RAB28: variants seen among roughly 807,000 people sequenced by gnomAD.
RAB28 encodes RAB28, member RAS oncogene family, also known as ras-related protein Rab-28.
In RAB28, 24 loss-of-function variants were observed where a neutral mutation model predicts 31.7. That is an observed-to-expected ratio of 0.76 (90% CI 0.55 to 1.06). RAB28 has a LOEUF of 1.06. Among genes scored for constraint, RAB28 ranks in the 50% least tolerant of loss-of-function variants. The pLI is 0.00. For synonymous variants in RAB28, 100 were observed against 90.4 expected (o/e 1.11, Z -0.60); for missense variants, 254 against 258.5 (o/e 0.98, Z 0.12).
chr4:13,371,992 A>G, intron 6 of RAB28: 1 of 885,790 alleles, frequency 1.1e-6, no homozygotes, highest in Non-Finnish European at 1.8e-6. Context: ...AAAGCAACCT[A>G]TGGGTTGGGG....
At chr4:13,461,862 T>C (rs1161872581) in intron 3 of RAB28, among the ~76,000 whole-genome samples, 2 of 152,204 alleles carry the variant, frequency 1.3e-5, no homozygotes, top group Admixed American at 6.5e-5. Context: ...ACCTATTGTA[T>C]ACCAGACACA....
chr4:13,395,384 A>G (rs1729830728), intron 4 of RAB28, among the ~76,000 whole-genome samples: 1 of 152,116 alleles, frequency 6.6e-6, no homozygotes, highest in African/African-American at 2.4e-5. Context: ...GTGAAATTAC[A>G]TAAAGTTTAA....
intron 6 of RAB28, chr4:13,371,364 A>G: frequency 1.0e-6 from 1 of 985,372 alleles, no homozygotes; most frequent in Non-Finnish European, 1.2e-6. Context: ...TTTCATGCCA[A>G]ACTATGGGTT....
intron 6 of RAB28, among the ~76,000 whole-genome samples, chr4:13,373,085 T>G (rs1422027994): frequency 4.6e-5 from 7 of 152,118 alleles, no homozygotes; most frequent in African/African-American, 1.4e-4. Flanking sequence ...GTATTAAGAA[T>G]TCTTAACACC....
intron 4 of RAB28, among the ~76,000 whole-genome samples, chr4:13,394,299 T>TA (rs1249696903): frequency 6.6e-6 from 1 of 152,106 alleles, no homozygotes; most frequent in Non-Finnish European, 1.5e-5. Flanking sequence ...AATTTTGGGG[T>TA]AAAACTGCTT....
chr4:13,390,603 T>C (rs571208161), intron 4 of RAB28, among the ~76,000 whole-genome samples: 124 of 141,268 alleles, frequency 8.8e-4, no homozygotes, highest in Non-Finnish European at 1.3e-3. Context: ...AAAAAAAGCC[T>C]GCATGCAAAA....
chr4:13,414,665 T>C (rs918829145), intron 4 of RAB28, among the ~76,000 whole-genome samples: 1 of 152,186 alleles, frequency 6.6e-6, no homozygotes, highest in Non-Finnish European at 1.5e-5. Flanking sequence ...TTCAGACCAA[T>C]CTCATTTAAA....
At chr4:13,423,430 G>A (rs75153302) in intron 4 of RAB28, among the ~76,000 whole-genome samples, 5 of 151,362 alleles carry the variant, frequency 3.3e-5, no homozygotes, top group African/African-American at 4.9e-5. Context: ...CCAGCTACTC[G>A]GGAGGCTGCA....
chr4:13,416,422 C>T (rs776417314), intron 4 of RAB28, among the ~76,000 whole-genome samples: 1 of 152,142 alleles, frequency 6.6e-6, no homozygotes, highest in Non-Finnish European at 1.5e-5. Context: ...TAACACTCAC[C>T]GCGAGGGTCC....
chr4:13,383,661 G>A (rs1729231868), intron 4 of RAB28, among the ~76,000 whole-genome samples: 1 of 152,106 alleles, frequency 6.6e-6, no homozygotes, highest in Admixed American at 6.5e-5. Context: ...GGAGGGACCT[G>A]GTGGAAGGTA....
intron 4 of RAB28, chr4:13,459,741 G>C: frequency 1.9e-6 from 2 of 1,040,352 alleles, no homozygotes. Flanking sequence ...AAGTTTATAA[G>C]AGACAGGAGC....
intron 3 of RAB28, among the ~76,000 whole-genome samples, chr4:13,464,898 T>C (rs1022613014): frequency 1.3e-5 from 2 of 152,048 alleles, no homozygotes; most frequent in Admixed American, 6.6e-5. Context: ...CTATGACTAA[T>C]ATGTTGAGGG....
intron 4 of RAB28, among the ~76,000 whole-genome samples, chr4:13,449,100 G>GA (rs1487925559): frequency 6.6e-6 from 1 of 151,822 alleles, no homozygotes; most frequent in Admixed American, 6.6e-5. Flanking sequence ...TCAAATCCCC[G>GA]AAAAAGTTTC....
chr4:13,445,616 TCTGCAGATCTG>T (rs1344775621), intron 4 of RAB28, among the ~76,000 whole-genome samples: 1 of 152,228 alleles, frequency 6.6e-6, no homozygotes, highest in Non-Finnish European at 1.5e-5. Flanking sequence ...AGGCCCCTCT[TCTGCAGATCTG>T]CTGCAGTTTG....
chr4:13,460,035 G>T (rs1379926074), intron 4 of RAB28: 1 of 558,004 alleles, frequency 1.8e-6, no homozygotes, highest in Admixed American at 2.7e-5. Flanking sequence ...TTATTGAAAA[G>T]ATTGTACACA....
chr4:13,430,431 T>TG (rs1364766006), intron 4 of RAB28, among the ~76,000 whole-genome samples: 2 of 151,888 alleles, frequency 1.3e-5, no homozygotes, highest in African/African-American at 2.4e-5. Context: ...AAAGGGTAGG[T>TG]GGGGGTGCTT....
At chr4:13,479,227 A>G (rs1341074476) in intron 2 of RAB28, among the ~76,000 whole-genome samples, 3 of 151,624 alleles carry the variant, frequency 2.0e-5, no homozygotes, top group Non-Finnish European at 4.4e-5. Context: ...GGAGTGGGAG[A>G]GTATATAAAC....
At chr4:13,473,813 G>T (rs1480525888) in intron 3 of RAB28, 4 of 369,384 alleles carry the variant, frequency 1.1e-5, no homozygotes, top group African/African-American at 2.2e-5. Flanking sequence ...TATTGTATGT[G>T]TTTCACATAT....
chr4:13,448,838 A>G (rs928214749), intron 4 of RAB28, among the ~76,000 whole-genome samples: 25 of 152,046 alleles, frequency 1.6e-4, no homozygotes, highest in African/African-American at 6.0e-4. Flanking sequence ...GAATGATCTC[A>G]GTATGTTCCA....
Sources: gnomAD v4.1 joint callset for allele counts (sites outside exome capture counted in the v4.1 genomes callset) on GRCh38, gnomAD v4.1.1 for gene constraint, MANE v1.5 for transcripts, NCBI Gene and HGNC (gene_info 2026-07-23, HGNC 2026-07-21) for gene names.